FAM135A: variants seen among roughly 807,000 people sequenced by gnomAD.
FAM135A encodes family with sequence similarity 135 member A, also known as protein FAM135A.
Under a neutral mutation model 146.8 loss-of-function variants are expected in FAM135A, and 79 were observed. The ratio of observed to expected loss-of-function variants is 0.54; its 90% confidence interval spans 0.45 to 0.65. FAM135A has a LOEUF of 0.65. Among genes scored for constraint, FAM135A ranks in the 30% least tolerant of loss-of-function variants. The pLI is 0.00. For synonymous variants in FAM135A, 562 were observed against 603.6 expected (o/e 0.93, Z 1.01); for missense variants, 1,623 against 1,758.2 (o/e 0.92, Z 1.38).
At chr6:70,518,279 C>CT (rs2128320369) in intron 12 of FAM135A, among the ~76,000 whole-genome samples, 1 of 151,918 alleles carries the variant, frequency 6.6e-6, no homozygotes, top group South Asian at 2.1e-4. Flanking sequence ...AGGGTCCTAA[C>CT]TCTTTTCAAT....
chr6:70,545,003 A>T (rs1169968719), intron 20 of FAM135A, among the ~76,000 whole-genome samples: 1 of 151,512 alleles, frequency 6.6e-6, no homozygotes, highest in Admixed American at 6.6e-5. Context: ...GTGAGCCAAG[A>T]TCGCACCATT....
chr6:70,452,677 C>A, intron 5 of FAM135A, 106 bp downstream of exon 5: 2 of 674,082 alleles, frequency 3.0e-6, no homozygotes, highest in East Asian at 3.2e-5. Context: ...GGTATAACAT[C>A]ATTATGATAA....
rs546674936 is a variant in FAM135A, at chr6:70,450,716, G to GTTTTTTTTTTTTTTTTTTT, written c.78-1752_78-1734dup. ...CTCAGGGAGTGTGACCCTTTTAGTT[G>GTTTTTTTTTTTTTTTTTTT]TTTTTTTTTTTTTTTTTTTTTTTTT... On this transcript the variant is annotated intron_variant, in intron 4 of 21. Coordinates refer to ENST00000418814, the MANE Select transcript of FAM135A (RefSeq NM_001162529.3). 4.2e-4 allele frequency among the ~76,000 whole-genome samples: 12 copies of GTTTTTTTTTTTTTTTTTTT among 28,348 alleles called. 5 individuals carry two copies. The highest frequency in any genetic ancestry group is 9.2e-4 in the Non-Finnish European group (12 of 13,088). 18.6% of individuals were successfully genotyped at this position (28,348 alleles called of 152,430 possible).
Position 70,421,824 on chromosome 6 carries a change from C to A in FAM135A, c.-133-4615C>A, listed in dbSNP as rs1171975595. 3.9e-5 allele frequency among the ~76,000 whole-genome samples: 6 copies of A among 152,256 alleles called. No homozygotes were observed. In the East Asian group the frequency reaches 7.7e-4, roughly 20 times the overall value. On this transcript the variant is annotated intron_variant, in intron 2 of 21. Transcript: ENST00000418814. ...GTAAGTCAGCTGATTCCAGTCATTT[C>A]AAAGGCATAGGTTTAAAGTAACAGG...
chr6:70,545,447 T>A (rs1375362402), intron 20 of FAM135A, among the ~76,000 whole-genome samples: 1 of 151,986 alleles, frequency 6.6e-6, no homozygotes, highest in Non-Finnish European at 1.5e-5. Flanking sequence ...ACCCTGTCTC[T>A]ACTAAAAATA....
At chr6:70,453,229 A>C (rs2128045341) in intron 5 of FAM135A, among the ~76,000 whole-genome samples, 1 of 152,288 alleles carries the variant, frequency 6.6e-6, no homozygotes, top group East Asian at 1.9e-4. Flanking sequence ...TGTAAGCCTA[A>C]TATGAATTAC....
chr6:70,530,368 T>C (rs951044621), intron 16 of FAM135A, among the ~76,000 whole-genome samples: 5 of 152,122 alleles, frequency 3.3e-5, no homozygotes, highest in African/African-American at 1.2e-4. Flanking sequence ...ACTTATAGTT[T>C]TTGGTGAATA....
At chr6:70,531,712 C>G (rs1169722079) in intron 16 of FAM135A, among the ~76,000 whole-genome samples, 1 of 152,108 alleles carries the variant, frequency 6.6e-6, no homozygotes, top group Non-Finnish European at 1.5e-5. Context: ...CTTCTTTAAA[C>G]AAGTTACCCA....
chr6:70,549,926 A>C (rs1186422761), intron 20 of FAM135A, among the ~76,000 whole-genome samples: 3 of 152,140 alleles, frequency 2.0e-5, no homozygotes, highest in Non-Finnish European at 4.4e-5. Context: ...GTAATATTCC[A>C]AGTCTTTTGT....
chr6:70,462,004 C>G (rs770882853), intron 5 of FAM135A, among the ~76,000 whole-genome samples: 2 of 152,040 alleles, frequency 1.3e-5, no homozygotes, highest in Non-Finnish European at 2.9e-5. Context: ...TCCTAAATTG[C>G]CCCAGTAGTT....
Position 70,538,336 on chromosome 6 carries a change from A to T in FAM135A, c.4163A>T (p.Gln1388Leu). ...QKWKKSGSLL[Q>L]LTCRDHSDPR... ...TGGAAAAAATCAGGTTCGCTTTTGCAGCTGACATGTCGAGATCACTCAGAC... is the reference window on the plus strand; with the variant it reads ...TGGAAAAAATCAGGTTCGCTTTTGCTGCTGACATGTCGAGATCACTCAGAC... Residue 1388 changes from glutamine to leucine, a missense_variant, in exon 20 of 22, where the codon CAG becomes CTG. This residue lies in a region of FAM135A where 138 missense variants were observed against 174.1 expected (regional missense o/e 0.79). Coordinates refer to ENST00000418814, the MANE Select transcript of FAM135A (RefSeq NM_001162529.3). 2 of 1,530,386 alleles carry T rather than the reference A, an allele frequency of 1.3e-6. No homozygotes were observed. The highest frequency in any genetic ancestry group is 8.8e-7 in the Non-Finnish European group (1 of 1,132,132). 94.8% of individuals were successfully genotyped at this position (1,530,386 alleles called of 1,614,324 possible). A position where few individuals can be genotyped will look rare whatever the true frequency, so the allele number is the denominator to read the frequency against.
chr6:70,536,996 C>T (rs1223215223), intron 19 of FAM135A, among the ~76,000 whole-genome samples: 1 of 147,368 alleles, frequency 6.8e-6, no homozygotes, highest in Non-Finnish European at 1.5e-5. Context: ...AGTGCAGTGG[C>T]GCGATCTCGG....
chr6:70,427,534 A>C (rs1453141331), intron 3 of FAM135A, among the ~76,000 whole-genome samples: 1 of 90,198 alleles, frequency 1.1e-5, no homozygotes, highest in Non-Finnish European at 2.2e-5. Flanking sequence ...TCTGTCTCAC[A>C]AAAAAAAAAA....
chr6:70,452,457 G>A, intron 4 of FAM135A, 35 bp from the exon 5 acceptor site: 1 of 1,503,872 alleles, frequency 6.6e-7, no homozygotes, highest in Non-Finnish European at 9.1e-7. Context: ...TTTTAAATAT[G>A]TTTTGAAATA....
At chr6:70,444,936 T>C (rs1582149083) in intron 4 of FAM135A, among the ~76,000 whole-genome samples, 1 of 152,374 alleles carries the variant, frequency 6.6e-6, no homozygotes, top group East Asian at 1.9e-4. Flanking sequence ...AAAAGTATTT[T>C]ACTTTTTCTG....
chr6:70,450,014 G>T (rs933289679), intron 4 of FAM135A, among the ~76,000 whole-genome samples: 6 of 152,156 alleles, frequency 3.9e-5, no homozygotes, highest in African/African-American at 9.7e-5. Flanking sequence ...AAATGGAGAT[G>T]TTGAGCATTT....
chr6:70,553,696 A>T lies in FAM135A; in HGVS notation c.4229-3054A>T, dbSNP rs373506015. ...AACGTTACAATGAAATCTTTTTTTTAAAAAGAAGCAGATATAAATTTAAAA... is the reference window on the plus strand; with the variant it reads ...AACGTTACAATGAAATCTTTTTTTTTAAAAGAAGCAGATATAAATTTAAAA... On this transcript the variant is annotated intron_variant, in intron 20 of 21. Transcript: ENST00000418814. Among the ~76,000 whole-genome samples the T allele has an allele frequency of 7.5e-3, 867 of 115,170 alleles. 3 individuals carry two copies. The highest frequency in any genetic ancestry group is 0.012 in the Non-Finnish European group (559 of 48,534). The allele number at this position is 115,170 out of a possible 152,430, so 75.6% of individuals were successfully genotyped here.
At chr6:70,557,715 A>AAAC (rs1801157868) in intron 21 of FAM135A, 1 of 151,366 alleles carries the variant, frequency 6.6e-6, no homozygotes, top group Admixed American at 6.6e-5. Context: ...AAAAAAAAAA[A>AAAC]AAACCCTGGT....
At chr6:70,471,781 T>A (rs1781668323) in intron 5 of FAM135A, among the ~76,000 whole-genome samples, 1 of 152,062 alleles carries the variant, frequency 6.6e-6, no homozygotes, top group African/African-American at 2.4e-5. Context: ...TCATTGGTAA[T>A]ATAAAAGTCT....
Sources: allele counts gnomAD v4.1 joint callset (sites outside exome capture counted in the v4.1 genomes callset), GRCh38; gene constraint gnomAD v4.1.1; regional missense constraint gnomAD v4.1.1; transcripts MANE v1.5; gene names NCBI Gene and HGNC (gene_info 2026-07-23, HGNC 2026-07-21).